MRPS31: variants seen among roughly 807,000 people sequenced by gnomAD.
MRPS31 encodes the protein small ribosomal subunit protein mS31.
In MRPS31, 32 loss-of-function variants were observed where a neutral mutation model predicts 43.1. That is an observed-to-expected ratio of 0.74 (90% CI 0.56 to 1.00). The LOEUF (loss-of-function observed/expected upper bound fraction) is 1.00. Ranked by LOEUF, MRPS31 falls within the 50% of genes least tolerant of loss-of-function variation. MRPS31 has a pLI of 0.00. For synonymous variants in MRPS31, 165 were observed against 161.6 expected (o/e 1.02, Z -0.16); for missense variants, 437 against 466.7 (o/e 0.94, Z 0.59).
intron 6 of MRPS31, among the ~76,000 whole-genome samples, chr13:40,735,628 C>G (rs1408462087): frequency 6.6e-6 from 1 of 152,048 alleles, no homozygotes; most frequent in Non-Finnish European, 1.5e-5. Context: ...TGACCCCTGA[C>G]CCCCGAGCAG....
At chr13:40,762,704 G>A (rs1003413942) in intron 2 of MRPS31, among the ~76,000 whole-genome samples, 4 of 151,686 alleles carry the variant, frequency 2.6e-5, no homozygotes, top group Admixed American at 2.0e-4. Context: ...CCAAAGTGCT[G>A]GGATTACAGG....
At chr13:40,729,693 G>T in intron 6 of MRPS31, 92 bp from the exon 7 acceptor site, 1 of 818,044 alleles carries the variant, frequency 1.2e-6, no homozygotes, top group Non-Finnish European at 1.9e-6. Context: ...TAATATTACA[G>T]TTTAAGGCAT....
intron 1 of MRPS31, chr13:40,770,746 G>A: frequency 4.0e-6 from 2 of 499,296 alleles, no homozygotes; most frequent in Admixed American, 3.6e-5. Flanking sequence ...TGGGTAAACT[G>A]ACAGGAGATG....
intron 5 of MRPS31, among the ~76,000 whole-genome samples, 195 bp downstream of exon 5, chr13:40,753,824 G>A (rs1008247835): frequency 2.0e-5 from 3 of 152,124 alleles, no homozygotes; most frequent in African/African-American, 7.2e-5. Context: ...TTATTCTTTG[G>A]TCTCTTGACG....
chr13:40,753,834 G>A (rs1225063611), intron 5 of MRPS31, among the ~76,000 whole-genome samples, 185 bp downstream of exon 5: 5 of 152,162 alleles, frequency 3.3e-5, no homozygotes, highest in Non-Finnish European at 5.9e-5. Flanking sequence ...GTCTCTTGAC[G>A]CCTTCCCAGT....
chr13:40,738,060 A>G (rs1245832762), intron 6 of MRPS31, among the ~76,000 whole-genome samples: 1 of 152,194 alleles, frequency 6.6e-6, no homozygotes, highest in Non-Finnish European at 1.5e-5. Context: ...TAAAGAAAAA[A>G]AGAGAGAAGA....
intron 6 of MRPS31, among the ~76,000 whole-genome samples, chr13:40,743,590 CAT>C (rs1290761170): frequency 6.6e-6 from 1 of 152,116 alleles, no homozygotes; most frequent in Non-Finnish European, 1.5e-5. Context: ...GGCCAGCAAA[CAT>C]ATGAAAAATG....
intron 6 of MRPS31, among the ~76,000 whole-genome samples, chr13:40,732,461 T>C (rs1248670776): frequency 6.6e-6 from 1 of 152,178 alleles, no homozygotes; most frequent in Admixed American, 6.6e-5. Context: ...GGGCAGGGGA[T>C]GGTGGCTCAT....
At chr13:40,757,087 A>C (rs1371428168) in intron 3 of MRPS31, 74 bp from the exon 4 acceptor site, 2 of 1,121,920 alleles carry the variant, frequency 1.8e-6, no homozygotes, top group Non-Finnish European at 2.5e-6. Flanking sequence ...TTAACAGGAG[A>C]CTTGAGATCA....
At chr13:40,737,623 A>T (rs1344425537) in intron 6 of MRPS31, among the ~76,000 whole-genome samples, 21 of 152,244 alleles carry the variant, frequency 1.4e-4, no homozygotes, top group Non-Finnish European at 1.2e-4. Flanking sequence ...AGAACTCAGG[A>T]TTAAGAATCT....
intron 6 of MRPS31, among the ~76,000 whole-genome samples, chr13:40,738,069 G>A (rs1241185882): frequency 6.6e-6 from 1 of 151,914 alleles, no homozygotes; most frequent in East Asian, 1.9e-4. Context: ...AAAGAGAGAA[G>A]AATCAAATAG....
chr13:40,730,412 C>T (rs745563468), intron 6 of MRPS31, among the ~76,000 whole-genome samples: 5 of 152,018 alleles, frequency 3.3e-5, no homozygotes, highest in African/African-American at 4.8e-5. Flanking sequence ...GTAATCCCAG[C>T]TACTTGGGAG....
intron 6 of MRPS31, among the ~76,000 whole-genome samples, chr13:40,735,229 C>G (rs1472659705): frequency 2.0e-5 from 3 of 152,224 alleles, no homozygotes; most frequent in African/African-American, 7.2e-5. Flanking sequence ...TTCCAACGGG[C>G]TTAAAAAACG....
intron 6 of MRPS31, among the ~76,000 whole-genome samples, chr13:40,746,348 T>C (rs1440095214): frequency 6.6e-6 from 1 of 152,206 alleles, no homozygotes; most frequent in Non-Finnish European, 1.5e-5. Context: ...TCTAAATGTG[T>C]ACCCAGGGCA....
At chr13:40,739,267 C>T (rs1222297715) in intron 6 of MRPS31, among the ~76,000 whole-genome samples, 4 of 151,708 alleles carry the variant, frequency 2.6e-5, no homozygotes, top group Admixed American at 6.6e-5. Flanking sequence ...AACTACAAAC[C>T]ACTGCTCAAT....
Position 40,740,954 on chromosome 13 carries a change from A to AG in MRPS31, c.958+8183_958+8184insC, listed in dbSNP as rs1880071936. Among the ~76,000 whole-genome samples, 5 of 151,574 alleles carry AG rather than the reference A, an allele frequency of 3.3e-5. 1 individual carries two copies. The South Asian group carries it at 1.0e-3, about 32-fold the overall frequency. On this transcript the variant is annotated intron_variant, in intron 6 of 6. Transcript: ENST00000323563. ...AGTATAATAAAAAAAAATTAAAAAA[A>AG]AAAACAACAAAGAAAACCCCAAATA...
intron 6 of MRPS31, among the ~76,000 whole-genome samples, chr13:40,745,348 C>G (rs1880213131): frequency 6.6e-6 from 1 of 151,320 alleles, no homozygotes; most frequent in African/African-American, 2.4e-5. Context: ...TGCCTCCCAG[C>G]TTCAAGCCAT....
intron 1 of MRPS31, among the ~76,000 whole-genome samples, chr13:40,770,005 A>G (rs965160366): frequency 6.6e-6 from 1 of 152,320 alleles, no homozygotes; most frequent in African/African-American, 2.4e-5. Flanking sequence ...CCTAACATAA[A>G]CAGGTATTTG....
chr13:40,753,084 T>C (rs1044012623), intron 5 of MRPS31, among the ~76,000 whole-genome samples: 5 of 152,194 alleles, frequency 3.3e-5, no homozygotes, highest in African/African-American at 9.7e-5. Flanking sequence ...TAGAGACCAT[T>C]TGTATTAAGT....
Sources: gnomAD v4.1 joint callset for allele counts (sites outside exome capture counted in the v4.1 genomes callset) on GRCh38, gnomAD v4.1.1 for gene constraint, MANE v1.5 for transcripts, NCBI Gene and HGNC (gene_info 2026-07-23, HGNC 2026-07-21) for gene names.